Variants in CHLSN observed in about 807,000 individuals in gnomAD.
CHLSN encodes protein cholesin.
the CHLSN span, among the ~76,000 whole-genome samples, chr7:1,036,067 A>G: frequency 6.6e-6 from 1 of 152,190 alleles, no homozygotes; most frequent in African/African-American, 2.4e-5. Context: ...AGGTAGCACC[A>G]TGGAGCCAGG....
the CHLSN span, among the ~76,000 whole-genome samples, chr7:1,010,331 C>T: frequency 6.6e-6 from 1 of 152,196 alleles, no homozygotes; most frequent in Non-Finnish European, 1.5e-5. Flanking sequence ...AGACAGGTCA[C>T]ATGAGGATGG....
the CHLSN span, among the ~76,000 whole-genome samples, chr7:1,016,889 CCAGCGCACAG>C: frequency 1.1e-5 from 1 of 89,502 alleles, no homozygotes; most frequent in African/African-American, 5.4e-5. Context: ...GCAGCACACA[CCAGCGCACAG>C]CAGCACACGC....
the CHLSN span, among the ~76,000 whole-genome samples, chr7:1,088,645 C>T: frequency 6.6e-6 from 1 of 152,212 alleles, no homozygotes; most frequent in Non-Finnish European, 1.5e-5. The surrounding 1 kb of genome is among the most constrained non-coding windows in gnomAD (Gnocchi z 4.5). Flanking sequence ...CCCACTCTGC[C>T]CTGCCCTGCG....
At chr7:1,059,599 G>A in the CHLSN span, among the ~76,000 whole-genome samples, 2 of 144,076 alleles carry the variant, frequency 1.4e-5, no homozygotes, top group Admixed American at 6.9e-5. Flanking sequence ...GGTCCCGAGT[G>A]GGGCGGGTCA....
the CHLSN span, among the ~76,000 whole-genome samples, chr7:1,116,783 T>C: frequency 4.3e-3 from 166 of 38,182 alleles, 41 homozygotes; most frequent in Admixed American, 0.011. Flanking sequence ...CCAACGCCCA[T>C]GCAGGATGAT....
At chr7:1,022,115 G>C in the CHLSN span, among the ~76,000 whole-genome samples, 1 of 152,218 alleles carries the variant, frequency 6.6e-6, no homozygotes, top group Admixed American at 6.5e-5. Context: ...ACCGGAGTCT[G>C]CTCGCAGACC....
At chr7:1,122,148 T>C in the CHLSN span, among the ~76,000 whole-genome samples, 7 of 152,210 alleles carry the variant, frequency 4.6e-5, no homozygotes, top group African/African-American at 1.7e-4. Flanking sequence ...CAGGACCAGC[T>C]GGCCAGGTGA....
chr7:1,046,333 G>A, the CHLSN span, among the ~76,000 whole-genome samples: 4 of 152,258 alleles, frequency 2.6e-5, no homozygotes, highest in African/African-American at 9.6e-5. Context: ...CAGAGAACCC[G>A]GCCGACCGTG....
At chr7:1,013,466 A>AG in the CHLSN span, among the ~76,000 whole-genome samples, 2 of 152,192 alleles carry the variant, frequency 1.3e-5, no homozygotes, top group African/African-American at 4.8e-5. Flanking sequence ...CGCAGCAGCC[A>AG]GGGGTGACTC....
the CHLSN span, among the ~76,000 whole-genome samples, chr7:1,064,761 G>C: frequency 6.6e-6 from 1 of 152,190 alleles, no homozygotes; most frequent in Admixed American, 6.5e-5. Flanking sequence ...ACGCCCCATG[G>C]ACACGAGGGA....
the CHLSN span, among the ~76,000 whole-genome samples, chr7:1,008,805 C>T: frequency 2.4e-5 from 3 of 125,488 alleles, no homozygotes; most frequent in South Asian, 2.5e-4. Flanking sequence ...CACGTGTATA[C>T]ATGTACACAC....
At chr7:1,127,152 G>A in the CHLSN span, 3 of 1,359,746 alleles carry the variant, frequency 2.2e-6, no homozygotes, top group African/African-American at 2.9e-5. Flanking sequence ...CCTGTTCCAG[G>A]CTCTGCTCCA....
chr7:1,040,605 T>C, the CHLSN span, among the ~76,000 whole-genome samples: 16,268 of 150,920 alleles, frequency 0.11, 1,157 homozygotes, highest in Middle Eastern at 0.21. Flanking sequence ...GATAAGAAAA[T>C]GTAGGAGAAA....
chr7:1,064,153 A>C, the CHLSN span, among the ~76,000 whole-genome samples: 1 of 152,172 alleles, frequency 6.6e-6, no homozygotes, highest in East Asian at 1.9e-4. Context: ...CACACACACA[A>C]ACACACACGT....
chr7:1,041,677 G>A, the CHLSN span, among the ~76,000 whole-genome samples: 5 of 152,156 alleles, frequency 3.3e-5, no homozygotes, highest in East Asian at 1.9e-4. Flanking sequence ...TAGGAAGTTC[G>A]TTGCAAAATA....
the CHLSN span, chr7:1,058,700 G>A: frequency 1.7e-6 from 1 of 602,084 alleles, no homozygotes; most frequent in Non-Finnish European, 3.0e-6. Flanking sequence ...GGTCCCCGTG[G>A]CTGGCATCTG....
the CHLSN span, among the ~76,000 whole-genome samples, chr7:1,054,800 C>T: frequency 9.8e-5 from 15 of 152,348 alleles, no homozygotes; most frequent in East Asian, 1.9e-4. Flanking sequence ...CTTCTGTGCA[C>T]GGAGACACCA....
chr7:1,120,611 T>C, the CHLSN span, among the ~76,000 whole-genome samples: 1 of 152,144 alleles, frequency 6.6e-6, no homozygotes, highest in South Asian at 2.1e-4. Context: ...CTCAAAAAAT[T>C]AACCACGCAC....
chr7:997,801 G>T, the CHLSN span: 1 of 1,603,630 alleles, frequency 6.2e-7, no homozygotes, highest in Non-Finnish European at 8.5e-7. Flanking sequence ...TGCTCATCGG[G>T]AACCTGGACG....
Sources: allele counts gnomAD v4.1 joint callset (sites outside exome capture counted in the v4.1 genomes callset), GRCh38; gene constraint gnomAD v4.1.1; non-coding constraint Gnocchi (gnomAD v3.1); transcripts MANE v1.5; gene names NCBI Gene and HGNC (gene_info 2026-07-23, HGNC 2026-07-21).